The following TMPRSS6 variants were observed in gnomAD, a reference collection of about 807,000 sequenced individuals.
The protein encoded by TMPRSS6 is transmembrane serine protease 6, also known as transmembrane protease serine 6.
TMPRSS6 carries 67 observed loss-of-function variants against 101.5 expected under a neutral mutation model. The ratio of observed to expected loss-of-function variants is 0.66; its 90% CI spans 0.54 to 0.81. The LOEUF is 0.81. Ranked by LOEUF, TMPRSS6 falls within the 30% of genes least tolerant of loss-of-function variation. TMPRSS6 has a pLI of 0.00. For synonymous variants in TMPRSS6, 453 were observed against 464.9 expected, an observed-to-expected ratio of 0.97 and a Z score of 0.33; for missense variants, 1,034 against 1,088.7, an observed-to-expected ratio of 0.95 and a Z score of 0.71.
At chr22:37,082,445 G>A (rs1359031129) in intron 10 of TMPRSS6, 2 of 159,000 alleles carry the variant, frequency 1.3e-5, no homozygotes, top group Non-Finnish European at 1.4e-5. Flanking sequence ...GCGGTAGGGA[G>A]GGAGGCAGGA....
intron 2 of TMPRSS6, among the ~76,000 whole-genome samples, chr22:37,100,692 G>A (rs1284468198): frequency 6.6e-6 from 1 of 152,198 alleles, no homozygotes; most frequent in Non-Finnish European, 1.5e-5. Flanking sequence ...AAGAGCAGGG[G>A]CAGCTCTAGA....
intron 2 of TMPRSS6, among the ~76,000 whole-genome samples, chr22:37,099,827 T>G (rs1930144228): frequency 6.6e-6 from 1 of 151,472 alleles, no homozygotes; most frequent in East Asian, 1.9e-4. Context: ...CAGCAAAGAG[T>G]GAGCAACAGG....
Position 37,084,411 on chromosome 22 carries a change from G to A in TMPRSS6, c.1087-7C>T, listed in dbSNP as rs1247049960. 3 of 1,606,112 alleles carry A rather than the reference G, an allele frequency of 1.9e-6. No individual in the cohort carries two copies. The highest frequency in any genetic ancestry group is 2.7e-5 in the African/African-American group (2 of 74,828). On this transcript the variant is annotated splice_polypyrimidine_tract_variant and splice_region_variant and intron_variant, in intron 9 of 17. Transcript: ENST00000676104. ...CGTAGTCCAGAGAGGGCACCTGGGA[G>A]GGAGGAGCGGGCCATCAGGTGGCCC... is the stretch of plus-strand genomic sequence containing the variant.
At chr22:37,098,110 G>A (rs927655872) in intron 3 of TMPRSS6, among the ~76,000 whole-genome samples, 2 of 151,328 alleles carry the variant, frequency 1.3e-5, no homozygotes, top group African/African-American at 4.9e-5. Context: ...GCGGGCCACC[G>A]TCCTGTAACG....
intron 13 of TMPRSS6, among the ~76,000 whole-genome samples, chr22:37,072,426 TG>T (rs1927102750): frequency 7.1e-6 from 1 of 141,802 alleles, no homozygotes; most frequent in East Asian, 2.2e-4. Flanking sequence ...GATGGATTGA[TG>T]GATTGATGGA....
At chr22:37,109,176 T>A (rs772443774) in intron 1 of TMPRSS6, among the ~76,000 whole-genome samples, 2 of 152,126 alleles carry the variant, frequency 1.3e-5, no homozygotes, top group Non-Finnish European at 2.9e-5. Context: ...GGGGGCAGCA[T>A]GTCCAGTCCT....
chr22:37,084,536 C>G (rs1157117624), intron 9 of TMPRSS6, 132 bp from the exon 10 acceptor site: 1 of 829,116 alleles, frequency 1.2e-6, no homozygotes, highest in African/African-American at 1.7e-5. Context: ...ACTCAACAAA[C>G]AGGCATTGCT....
intron 3 of TMPRSS6, 79 bp downstream of exon 3, chr22:37,098,337 T>A (rs1930001674): frequency 1.2e-6 from 2 of 1,607,792 alleles, no homozygotes; most frequent in African/African-American, 1.3e-5. Flanking sequence ...GTTGACCAAC[T>A]GGCTCCATGT....
At position 37,075,175 on chromosome 22, in the gene TMPRSS6, G is replaced by C. The variant is rs1179659986; in HGVS notation, c.1302C>G (p.Pro434=). Residue 434 remains proline (P), a synonymous_variant, in exon 11 of 18, where the codon CCC becomes CCG. Transcript: ENST00000676104. ...ACAAGCCATAGTGCACCCGCACACC[G>C]GGCCCGGTGAGGGAGATCTGGGAGG... is the stretch of plus-strand genomic sequence containing the variant. The part of the protein sequence containing the change: ...NFTSQISLTG[P]GVRVHYGLYN... 1 of 1,614,064 alleles carries C rather than the reference G, an allele frequency of 6.2e-7. No homozygotes were observed. The highest frequency in any genetic ancestry group is 8.5e-7 in the Non-Finnish European group (1 of 1,180,042).
At position 37,098,441 on chromosome 22, in the gene TMPRSS6, C is replaced by T. The variant is rs1930015553; in HGVS notation, c.311G>A (p.Ser104Asn). Residue 104 changes from serine to asparagine, a missense_variant, in exon 3 of 18, where the codon AGT (serine) becomes AAT (asparagine). By Grantham distance (46) the Ser-to-Asn change is conservative. Transcript: ENST00000676104. ...CATCTTCTGGGCTTTGGCGGTTTCA[C>T]TGCGGAAGGCACTAGATTCCCGGCG... is the stretch of plus-strand genomic sequence containing the variant. ...LTRRESSAFR[S>N]ETAKAQKMLK... 2 of 1,613,944 alleles carry T rather than the reference C, an allele frequency of 1.2e-6. No homozygotes were observed. The highest frequency in any genetic ancestry group is 1.7e-6 in the Non-Finnish European group (2 of 1,180,026).
chr22:37,067,206 C>T (rs769732141), intron 16 of TMPRSS6, among the ~76,000 whole-genome samples: 3 of 152,186 alleles, frequency 2.0e-5, no homozygotes, highest in Non-Finnish European at 4.4e-5. Context: ...CACGGTGGCT[C>T]ATGCCTGTAA....
intron 7 of TMPRSS6, 38 bp downstream of exon 7, chr22:37,089,540 T>C (rs1414349292): frequency 1.4e-6 from 2 of 1,474,812 alleles, no homozygotes; most frequent in Non-Finnish European, 1.9e-6. Context: ...CACTCCCTTT[T>C]CCAGCCCTCC....
At chr22:37,089,544 G>GGGC in intron 7 of TMPRSS6, 34 bp downstream of exon 7, 1 of 1,348,856 alleles carries the variant, frequency 7.4e-7, no homozygotes, top group Non-Finnish European at 1.0e-6. Flanking sequence ...CCCTTTTCCA[G>GGGC]CCCTCCCTCC....
chr22:37,078,717 C>A (rs556919460), intron 10 of TMPRSS6, among the ~76,000 whole-genome samples: 8,651 of 36,890 alleles, frequency 0.23, 834 homozygotes, highest in African/African-American at 0.51. Flanking sequence ...AAGGAGGAGG[C>A]GGAGGAGAAG....
intron 2 of TMPRSS6, among the ~76,000 whole-genome samples, chr22:37,100,025 T>C (rs1930163950): frequency 1.3e-5 from 2 of 152,320 alleles, no homozygotes; most frequent in South Asian, 2.1e-4. Context: ...TGGAGTGCAA[T>C]GGCTCAATCT....
rs1926349122 is a variant in TMPRSS6 at position 37,066,908 on chromosome 22, A to G, written c.2168T>C (p.Leu723Pro). The G allele has an allele frequency of 6.2e-7, 1 of 1,614,174 alleles. No homozygotes were observed. Among genetic ancestry groups the G allele is most frequent in the Non-Finnish European group, 8.5e-7 (1 of 1,180,026 alleles). The change falls in exon 17 of 18, where the codon CTG becomes CCG. Residue 723 changes from leucine (L) to proline (P), a missense_variant. Coordinates refer to ENST00000676104, the MANE Select transcript of TMPRSS6 (RefSeq NM_001374504.1). The stretch of plus-strand genomic sequence containing the variant: ...CTGGTAGCGATAGACCTCGCTGCAC[A>G]GGTCCTGTGGGATCAACTGCACATC... Reference protein sequence around the residue: ...KVDVQLIPQDLCSEVYRYQVT... With the variant: ...KVDVQLIPQDPCSEVYRYQVT...
In TMPRSS6 at chr22:37,095,754, G is replaced by A. The variant is rs1929695827; in HGVS notation, c.589+152C>T. On this transcript the variant is annotated intron_variant, in intron 5 of 17. Coordinates refer to ENST00000676104, the MANE Select transcript of TMPRSS6 (RefSeq NM_001374504.1). ...ACCCTTCTTTCCTGGCTCCTTGAATGCAATGGCACTGCTACCTCACCTGGG... is the reference window on the plus strand; with the variant it reads ...ACCCTTCTTTCCTGGCTCCTTGAATACAATGGCACTGCTACCTCACCTGGG... 9 of 1,210,470 alleles carry A rather than the reference G, an allele frequency of 7.4e-6. No homozygotes were observed. In the East Asian group the frequency reaches 2.0e-4, roughly 27 times the overall value. The allele number at this position is 1,210,470 out of a possible 1,614,324, so 75.0% of individuals were successfully genotyped here.
In TMPRSS6 at chr22:37,065,534, A is replaced by AGCAGAACTGGGTTTGAG; in HGVS notation, c.*545_*546insCTCAAACCCAGTTCTGC. 6.2e-6 allele frequency: 1 copy of AGCAGAACTGGGTTTGAG among 160,002 alleles called. No individual in the cohort carries two copies. Among genetic ancestry groups the AGCAGAACTGGGTTTGAG allele is most frequent in the Non-Finnish European group, 1.4e-5 (1 of 72,286 alleles). The allele number at this position is 160,002 out of a possible 1,614,324, so 9.9% of individuals were successfully genotyped here. A position where few individuals can be genotyped will look rare whatever the true frequency, so the allele number is the denominator to read the frequency against. On this transcript the variant is annotated 3_prime_UTR_variant, in exon 18 of 18. Transcript: ENST00000676104. ...GGTGGCAGGCAGGGGTGGGGCAAGG[A>AGCAGAACTGGGTTTGAG]CCCTGGAGTCAGGACTTCCCCACCT...
intron 13 of TMPRSS6, among the ~76,000 whole-genome samples, chr22:37,072,549 A>AATGGATGGATGATGGATGG (rs879857540): frequency 1.4e-4 from 11 of 80,114 alleles, no homozygotes; most frequent in South Asian, 5.1e-4. Context: ...ATGATGGATG[A>AATGGATGGATGATGGATGG]ATGGATGGAT....
Sources: allele counts gnomAD v4.1 joint callset (sites outside exome capture counted in the v4.1 genomes callset), GRCh38; gene constraint gnomAD v4.1.1; transcripts MANE v1.5; gene names NCBI Gene and HGNC (gene_info 2026-07-23, HGNC 2026-07-21).